Variants in ST18 observed in about 807,000 individuals in gnomAD.
ST18 encodes ST18 C2H2C-type zinc finger transcription factor, also known as suppression of tumorigenicity 18 protein.
ST18 carries 50 observed loss-of-function variants against 110.0 expected under a neutral mutation model. The ratio of observed to expected loss-of-function variants is 0.45; its 90% CI spans 0.36 to 0.58. ST18 has a LOEUF of 0.58. Ranked by LOEUF, ST18 falls within the 20% of genes least tolerant of loss-of-function variation. The probability of loss-of-function intolerance (pLI) is 0.00; values close to 1 mark genes in which losing one functional copy is unlikely to be tolerated. For missense variants in ST18, 1,306 were observed against 1,280.1 expected, an observed-to-expected ratio of 1.02 and a Z score of -0.31; for synonymous variants, 461 against 452.4, an observed-to-expected ratio of 1.02 and a Z score of -0.24.
At chr8:52,117,868 G>A (rs889197428) in intron 24 of ST18, among the ~76,000 whole-genome samples, 2 of 152,216 alleles carry the variant, frequency 1.3e-5, no homozygotes, top group Non-Finnish European at 2.9e-5. Flanking sequence ...ATGCAGAATT[G>A]AGAAATTGCT....
intron 8 of ST18, among the ~76,000 whole-genome samples, chr8:52,195,373 CTTTCT>C (rs2075872728): frequency 6.6e-6 from 1 of 151,940 alleles, no homozygotes; most frequent in Non-Finnish European, 1.5e-5. Context: ...CTTCAAAATA[CTTTCT>C]TTTGAGTATA....
At chr8:52,260,223 A>G (rs866897646) in intron 2 of ST18, among the ~76,000 whole-genome samples, 1 of 152,160 alleles carries the variant, frequency 6.6e-6, no homozygotes, top group South Asian at 2.1e-4. Context: ...ATATTTCTAT[A>G]CCTGTATGTA....
intron 22 of ST18, among the ~76,000 whole-genome samples, chr8:52,129,682 C>T (rs936415309): frequency 8.5e-5 from 13 of 152,234 alleles, no homozygotes; most frequent in South Asian, 6.2e-4. Context: ...AGAGAACTTT[C>T]GAGTCAAGAA....
intron 2 of ST18, among the ~76,000 whole-genome samples, chr8:52,333,358 A>C (rs2140101310): frequency 6.6e-6 from 1 of 152,220 alleles, no homozygotes; most frequent in East Asian, 1.9e-4. Context: ...ACCACTGAGA[A>C]TTCTTTAAAG....
At chr8:52,227,974 A>G (rs182148355) in intron 3 of ST18, among the ~76,000 whole-genome samples, 5 of 152,320 alleles carry the variant, frequency 3.3e-5, no homozygotes, top group Admixed American at 1.3e-4. Flanking sequence ...GAATTGAAAT[A>G]AGCAAAAAAT....
intron 2 of ST18, among the ~76,000 whole-genome samples, chr8:52,308,324 T>C (rs1190132045): frequency 4.6e-5 from 7 of 152,240 alleles, no homozygotes. Flanking sequence ...ATTTTGTATC[T>C]TGTAGAACAT....
At chr8:52,167,788 G>A (rs1468900826) in intron 10 of ST18, among the ~76,000 whole-genome samples, 2 of 152,182 alleles carry the variant, frequency 1.3e-5, no homozygotes, top group Non-Finnish European at 2.9e-5. Flanking sequence ...GAACACCAGT[G>A]TGGGTGGGGC....
At chr8:52,175,842 C>A (rs1241030577) in intron 9 of ST18, among the ~76,000 whole-genome samples, 1 of 152,136 alleles carries the variant, frequency 6.6e-6, no homozygotes, top group African/African-American at 2.4e-5. Flanking sequence ...ATGCTCTGCC[C>A]TCTGAAACAT....
intron 2 of ST18, among the ~76,000 whole-genome samples, chr8:52,261,680 C>A (rs2094697729): frequency 6.6e-6 from 1 of 152,178 alleles, no homozygotes; most frequent in South Asian, 2.1e-4. Flanking sequence ...AGCATTCCCA[C>A]AGCTCCCCAC....
chr8:52,136,538 A>G (rs1391764569), intron 19 of ST18, 52 bp downstream of exon 19: 2 of 1,542,600 alleles, frequency 1.3e-6, no homozygotes, highest in African/African-American at 2.7e-5. Flanking sequence ...ACTGAACGAG[A>G]GGGTCCTACC....
intron 2 of ST18, among the ~76,000 whole-genome samples, chr8:52,276,356 C>T (rs1282192161): frequency 6.7e-6 from 1 of 149,146 alleles, no homozygotes; most frequent in Non-Finnish European, 1.5e-5. Flanking sequence ...TACATGCACA[C>T]CACACACACA....
intron 16 of ST18, 117 bp downstream of exon 16, chr8:52,149,615 G>A: frequency 7.3e-7 from 1 of 1,368,802 alleles, no homozygotes; most frequent in African/African-American, 1.5e-5. Context: ...CTAAAGCAAG[G>A]TACAGAATTA....
At chr8:52,171,585 A>C (rs985948781) in intron 10 of ST18, 1 of 690,002 alleles carries the variant, frequency 1.4e-6, no homozygotes, top group Admixed American at 2.0e-5. Context: ...TCATGTGTGA[A>C]AATAGTCCAA....
At chr8:52,246,195 T>C (rs896575774) in intron 2 of ST18, among the ~76,000 whole-genome samples, 5 of 152,090 alleles carry the variant, frequency 3.3e-5, no homozygotes, top group Non-Finnish European at 7.4e-5. Context: ...ATTCTTTACA[T>C]AGGTGATAAA....
chr8:52,185,891 C>A (rs2071931183), intron 8 of ST18, among the ~76,000 whole-genome samples: 1 of 152,146 alleles, frequency 6.6e-6, no homozygotes, highest in Non-Finnish European at 1.5e-5. Context: ...TTTTCTCAAG[C>A]AGTTTATAAA....
chr8:52,381,129 A>T (rs1834352136), intron 2 of ST18, among the ~76,000 whole-genome samples: 1 of 152,280 alleles, frequency 6.6e-6, no homozygotes, highest in East Asian at 1.9e-4. Flanking sequence ...ATATCTCCAC[A>T]AGTTCCCTGT....
rs1370457938 is a variant in ST18, at chr8:52,142,940, C to T, written c.2158G>A (p.Glu720Lys). ...PKLHARDLKK[E>K]LITCPTPGCD... ...TTGGGCACCACTTACGTGATTAGTTCCTTTTTGAGATCTCTTGCATGAAGC... is the reference window on the plus strand; with the variant it reads ...TTGGGCACCACTTACGTGATTAGTTTCTTTTTGAGATCTCTTGCATGAAGC... Residue 720 changes from glutamate to lysine, a missense_variant, in exon 17 of 26, where the codon GAA (glutamate) becomes AAA (lysine). Physicochemically the swap from Glu to Lys is moderately conservative, Grantham distance 56. Transcript: ENST00000689386. 6.2e-7 allele frequency: 1 copy of T among 1,613,036 alleles called. No individual in the cohort carries two copies. The highest frequency in any genetic ancestry group is 2.2e-5 in the East Asian group (1 of 44,880).
intron 2 of ST18, among the ~76,000 whole-genome samples, chr8:52,235,719 C>G (rs2092548874): frequency 6.6e-6 from 1 of 152,064 alleles, no homozygotes; most frequent in Admixed American, 6.6e-5. Flanking sequence ...ATCTTATGAA[C>G]AGTTTACTCA....
At chr8:52,386,179 G>A (rs1836676987) in intron 2 of ST18, among the ~76,000 whole-genome samples, 1 of 152,156 alleles carries the variant, frequency 6.6e-6, no homozygotes, top group Non-Finnish European at 1.5e-5. Context: ...ACATCAGACA[G>A]TCATTGAAAA....
Sources: allele counts gnomAD v4.1 joint callset (sites outside exome capture counted in the v4.1 genomes callset), GRCh38; gene constraint gnomAD v4.1.1; transcripts MANE v1.5; gene names NCBI Gene and HGNC (gene_info 2026-07-23, HGNC 2026-07-21).